The following KDM4C variants were observed in gnomAD, a reference collection of about 807,000 sequenced individuals.
KDM4C encodes lysine demethylase 4C.
A neutral mutation model predicts 129.3 loss-of-function variants in KDM4C; 81 were observed. That is an observed-to-expected ratio of 0.63 (90% CI 0.52 to 0.75). The LOEUF (loss-of-function observed/expected upper bound fraction) is 0.75, where lower values mean the gene tolerates loss of function less well. Among genes scored for constraint, KDM4C ranks in the 30% least tolerant of loss-of-function variants. The pLI is 0.00. For missense variants in KDM4C, 1,457 were observed against 1,304.0 expected (o/e 1.12, Z -1.81); for synonymous variants, 573 against 456.1 (o/e 1.26, Z -3.26).
intron 1 of KDM4C, among the ~76,000 whole-genome samples, chr9:6,768,923 T>A (rs1238920766): frequency 6.6e-6 from 1 of 151,958 alleles, no homozygotes; most frequent in Non-Finnish European, 1.5e-5. Flanking sequence ...CAGGTGCCCA[T>A]CACCATGCCC....
intron 9 of KDM4C, among the ~76,000 whole-genome samples, chr9:6,981,639 A>G (rs117132443): frequency 0.013 from 1,958 of 152,238 alleles, 23 homozygotes; most frequent in Admixed American, 0.024. Context: ...TATCCTTGTG[A>G]ACTTTATTCT....
At chr9:6,831,147 C>A (rs145948242) in intron 4 of KDM4C, among the ~76,000 whole-genome samples, 4 of 152,022 alleles carry the variant, frequency 2.6e-5, no homozygotes, top group South Asian at 2.1e-4. Flanking sequence ...AAGCGGGGAT[C>A]TGTGGATTTT....
intron 19 of KDM4C, among the ~76,000 whole-genome samples, chr9:7,162,937 A>G (rs1240069186): frequency 6.6e-6 from 1 of 152,162 alleles, no homozygotes; most frequent in Non-Finnish European, 1.5e-5. Flanking sequence ...GATGTAAAGT[A>G]TCACCTTTAT....
At chr9:6,735,043 G>C in intron 1 of KDM4C, 2 of 476,678 alleles carry the variant, frequency 4.2e-6, no homozygotes, top group South Asian at 3.4e-5. Context: ...TCTCATGGGT[G>C]GTCAAAGAGA....
intron 17 of KDM4C, among the ~76,000 whole-genome samples, chr9:7,072,399 C>A (rs1025974283): frequency 6.6e-6 from 1 of 152,106 alleles, no homozygotes; most frequent in African/African-American, 2.4e-5. Flanking sequence ...GGAATGAATT[C>A]TCAAAACATG....
chr9:7,005,306 A>T (rs888104862), intron 12 of KDM4C, among the ~76,000 whole-genome samples: 3 of 151,956 alleles, frequency 2.0e-5, no homozygotes, highest in Non-Finnish European at 4.4e-5. Flanking sequence ...GTGGTGGCGC[A>T]TGCCTGTAAT....
rs10976033 is a variant in KDM4C, at chr9:7,087,615, A to G, written c.2425-16070A>G. Among the ~76,000 whole-genome samples, 422 of 152,316 alleles carry G rather than the reference A, an allele frequency of 2.8e-3. 10 individuals carry two copies. The highest frequency in any genetic ancestry group is 0.026 in the East Asian group (135 of 5,194). ...GTACAGTGATAACTAAAAGAGTTTC[A>G]GGCATAAAATTATCTTACATTCAGT... is the stretch of plus-strand genomic sequence containing the variant. On this transcript the variant is annotated intron_variant, in intron 17 of 21. Coordinates refer to ENST00000381309, the MANE Select transcript of KDM4C (RefSeq NM_015061.6).
At chr9:6,775,936 C>T (rs1822936190) in intron 1 of KDM4C, among the ~76,000 whole-genome samples, 1 of 152,172 alleles carries the variant, frequency 6.6e-6, no homozygotes, top group African/African-American at 2.4e-5. Flanking sequence ...TGAACTCTTC[C>T]TCTTGTGACA....
At chr9:7,075,949 A>T (rs1332551929) in intron 17 of KDM4C, among the ~76,000 whole-genome samples, 1 of 152,178 alleles carries the variant, frequency 6.6e-6, no homozygotes, top group Non-Finnish European at 1.5e-5. Context: ...TTATTCTCAA[A>T]GTAGGTCAAC....
At chr9:7,094,876 A>G (rs1347069611) in intron 17 of KDM4C, among the ~76,000 whole-genome samples, 1 of 152,234 alleles carries the variant, frequency 6.6e-6, no homozygotes, top group South Asian at 2.1e-4. Context: ...GGTCACAGAC[A>G]GAACAATTCA....
intron 17 of KDM4C, among the ~76,000 whole-genome samples, chr9:7,091,280 G>T (rs1183681436): frequency 1.3e-5 from 2 of 151,338 alleles, no homozygotes; most frequent in Non-Finnish European, 2.9e-5. Context: ...GGTAAAAACT[G>T]TGGAAGATTT....
At chr9:6,883,972 A>C (rs972039053) in intron 6 of KDM4C, among the ~76,000 whole-genome samples, 6 of 152,182 alleles carry the variant, frequency 3.9e-5, no homozygotes, top group African/African-American at 1.4e-4. Context: ...ACTGGGTGGA[A>C]ATTTTAAATC....
chr9:6,967,593 G>C (rs1477758324), intron 8 of KDM4C, among the ~76,000 whole-genome samples: 1 of 152,174 alleles, frequency 6.6e-6, no homozygotes, highest in East Asian at 1.9e-4. Context: ...AAACGGGCTT[G>C]TAGGGAAGAT....
At chr9:6,954,339 T>TG (rs1828699354) in intron 8 of KDM4C, among the ~76,000 whole-genome samples, 1 of 152,038 alleles carries the variant, frequency 6.6e-6, no homozygotes, top group African/African-American at 2.4e-5. Context: ...CCTGGAAGAG[T>TG]GGGGCTATGG....
intron 19 of KDM4C, among the ~76,000 whole-genome samples, chr9:7,130,784 G>A (rs1840541845): frequency 6.6e-6 from 1 of 151,992 alleles, no homozygotes; most frequent in African/African-American, 2.4e-5. Flanking sequence ...TTTGAGACAG[G>A]GCCTCATTTT....
intron 17 of KDM4C, among the ~76,000 whole-genome samples, chr9:7,066,328 A>G (rs1332476028): frequency 3.3e-5 from 5 of 152,312 alleles, no homozygotes; most frequent in Non-Finnish European, 5.9e-5. Flanking sequence ...GATTTAGATG[A>G]AGATTTTACA....
rs61750314 is a variant in KDM4C at position 6,849,518 on chromosome 9, A to G, written c.447A>G (p.Glu149=). The change falls in exon 5 of 22, where the codon GAA becomes GAG. Residue 149 remains glutamate (E), a synonymous_variant. Coordinates refer to ENST00000381309, the MANE Select transcript of KDM4C (RefSeq NM_015061.6). Reference sequence around the variant, plus strand: ...CTCTCTCATTCCAGGGTGTGGATGAATGGAACATAGCTCGCCTCAATACAG... The same window carrying G: ...CTCTCTCATTCCAGGGTGTGGATGAGTGGAACATAGCTCGCCTCAATACAG... ...NGSIYDEGVD[E]WNIARLNTVL... is the part of the protein sequence containing the mutation. 9.9e-4 allele frequency: 1,559 copies of G among 1,574,234 alleles called. 19 individuals are homozygous for G. The African/African-American group carries it at 0.019, about 19-fold the overall frequency.
At chr9:6,862,126 A>G (rs1178897949) in intron 5 of KDM4C, among the ~76,000 whole-genome samples, 1 of 152,128 alleles carries the variant, frequency 6.6e-6, no homozygotes, top group Admixed American at 6.5e-5. Flanking sequence ...CTCTAATATA[A>G]TTTTCTAATC....
rs151100580 is a variant in KDM4C at position 7,133,721 on chromosome 9, A to G, written c.2781+5485A>G. On this transcript the variant is annotated intron_variant, in intron 19 of 21. Coordinates refer to ENST00000381309, the MANE Select transcript of KDM4C (RefSeq NM_015061.6). Reference sequence around the variant, plus strand: ...ACACAGATCCAGTAGGACATGGTGTAAAACCCGTTTCAGTGTTGAGCCCCG... The same window carrying G: ...ACACAGATCCAGTAGGACATGGTGTGAAACCCGTTTCAGTGTTGAGCCCCG... Among the ~76,000 whole-genome samples, 421 of 152,318 alleles carry G rather than the reference A, an allele frequency of 2.8e-3. 1 individual carries two copies. The highest frequency in any genetic ancestry group is 4.8e-3 in the Non-Finnish European group (325 of 68,030).
Sources: gnomAD v4.1 joint callset for allele counts (sites outside exome capture counted in the v4.1 genomes callset) on GRCh38, gnomAD v4.1.1 for gene constraint, MANE v1.5 for transcripts, NCBI Gene and HGNC (gene_info 2026-07-23, HGNC 2026-07-21) for gene names.